PTPRO: variants seen among roughly 807,000 people sequenced by gnomAD.
PTPRO encodes the protein receptor-type tyrosine-protein phosphatase O.
A neutral mutation model predicts 145.2 loss-of-function variants in PTPRO; 62 were observed. That is an observed-to-expected ratio of 0.43 (90% CI 0.35 to 0.53). The LOEUF (loss-of-function observed/expected upper bound fraction) is 0.53, where lower values mean the gene tolerates loss of function less well. Ranked by LOEUF, PTPRO falls within the 20% of genes least tolerant of loss-of-function variation. PTPRO has a pLI of 0.01. For missense variants in PTPRO, 1,345 were observed against 1,482.7 expected (o/e 0.91, Z 1.53); for synonymous variants, 565 against 514.7 (o/e 1.10, Z -1.32).
At chr12:15,341,983 A>G (rs1867006832) in intron 1 of PTPRO, among the ~76,000 whole-genome samples, 1 of 152,230 alleles carries the variant, frequency 6.6e-6, no homozygotes, top group Admixed American at 6.5e-5. Context: ...GCACAATTTA[A>G]ATACATATTA....
At chr12:15,400,355 A>C (rs1591777041) in intron 1 of PTPRO, among the ~76,000 whole-genome samples, 1 of 151,528 alleles carries the variant, frequency 6.6e-6, no homozygotes, top group African/African-American at 2.4e-5. Flanking sequence ...GTGTGATGAA[A>C]CCCCCAGCAG....
chr12:15,582,050 A>G (rs1222184886), intron 23 of PTPRO, among the ~76,000 whole-genome samples: 6 of 152,256 alleles, frequency 3.9e-5, no homozygotes, highest in Non-Finnish European at 1.5e-5. Flanking sequence ...TAGATTAACT[A>G]AAAGTATTCC....
At chr12:15,357,320 T>G (rs1938027607) in intron 1 of PTPRO, among the ~76,000 whole-genome samples, 1 of 152,230 alleles carries the variant, frequency 6.6e-6, no homozygotes, top group African/African-American at 2.4e-5. Context: ...CTCATTCTAC[T>G]CATTCTCCCT....
intron 1 of PTPRO, among the ~76,000 whole-genome samples, chr12:15,371,388 C>T (rs768927476): frequency 9.9e-5 from 15 of 152,050 alleles, no homozygotes; most frequent in South Asian, 2.1e-4. Context: ...CCCGCCACCA[C>T]GCCAGGCTAA....
intron 1 of PTPRO, among the ~76,000 whole-genome samples, chr12:15,450,106 C>T (rs78886955): frequency 0.015 from 2,234 of 152,228 alleles, 60 homozygotes; most frequent in African/African-American, 0.051. Flanking sequence ...CTTATGGCTC[C>T]TATTATATTT....
intron 1 of PTPRO, among the ~76,000 whole-genome samples, chr12:15,423,482 ATAT>A (rs1940201727): frequency 6.6e-6 from 1 of 152,080 alleles, no homozygotes; most frequent in Non-Finnish European, 1.5e-5. Context: ...TGTTAAAACA[ATAT>A]TAGACCAGTT....
intron 3 of PTPRO, among the ~76,000 whole-genome samples, chr12:15,497,827 A>C (rs1235113624): frequency 6.6e-6 from 1 of 152,240 alleles, no homozygotes; most frequent in African/African-American, 2.4e-5. Context: ...CCTCAAATGC[A>C]ATGCTGTATG....
chr12:15,324,628 A>C (rs1866395428), intron 1 of PTPRO, among the ~76,000 whole-genome samples: 1 of 152,212 alleles, frequency 6.6e-6, no homozygotes, highest in Non-Finnish European at 1.5e-5. Context: ...TGGGACACAT[A>C]ATTTTGTAAG....
At chr12:15,358,342 C>T (rs979983544) in intron 1 of PTPRO, among the ~76,000 whole-genome samples, 3 of 151,534 alleles carry the variant, frequency 2.0e-5, no homozygotes, top group Non-Finnish European at 2.9e-5. Flanking sequence ...ATGTAACTAA[C>T]CTGCACATTG....
intron 12 of PTPRO, among the ~76,000 whole-genome samples, chr12:15,534,485 G>A (rs984248157): frequency 6.6e-6 from 1 of 152,138 alleles, no homozygotes; most frequent in African/African-American, 2.4e-5. Context: ...TTCACTTTCT[G>A]TTCACAAGGA....
At chr12:15,424,008 A>G (rs1350548663) in intron 1 of PTPRO, among the ~76,000 whole-genome samples, 4 of 152,232 alleles carry the variant, frequency 2.6e-5, no homozygotes, top group African/African-American at 4.8e-5. Context: ...AAAATATGTC[A>G]GGCTAATAGG....
intron 1 of PTPRO, among the ~76,000 whole-genome samples, chr12:15,369,923 G>C (rs1402600920): frequency 6.6e-6 from 1 of 152,002 alleles, no homozygotes; most frequent in African/African-American, 2.4e-5. Context: ...GTGGTGGCAG[G>C]CACCTGTAGT....
intron 12 of PTPRO, among the ~76,000 whole-genome samples, chr12:15,527,957 A>G (rs975798061): frequency 6.8e-6 from 1 of 148,024 alleles, no homozygotes; most frequent in South Asian, 2.2e-4. Flanking sequence ...GAGCTCTCTG[A>G]ACAAGAATTC....
At position 15,557,672 on chromosome 12, in the gene PTPRO, A is replaced by C. The variant is rs932040628; in HGVS notation, c.2627+149A>C. On this transcript the variant is annotated intron_variant, in intron 16 of 26. Coordinates refer to ENST00000281171, the MANE Select transcript of PTPRO (RefSeq NM_030667.3). ...AGACTTTCAATGGCTAGATCTTCAC[A>C]GAATATAATGGTTTATATAAGCTCA... is the stretch of plus-strand genomic sequence containing the variant. 12 of 732,970 alleles carry C rather than the reference A, an allele frequency of 1.6e-5. No homozygotes were observed. The African/African-American group carries it at 2.1e-4, about 13-fold the overall frequency. 45.4% of individuals were successfully genotyped at this position (732,970 alleles called of 1,614,324 possible).
chr12:15,589,515 G>A lies in PTPRO; in HGVS notation c.3471G>A (p.Arg1157=). 1 of 1,614,124 alleles carries A rather than the reference G, an allele frequency of 6.2e-7. No individual in the cohort carries two copies. The highest frequency in any genetic ancestry group is 8.5e-7 in the Non-Finnish European group (1 of 1,179,996). The stretch of plus-strand genomic sequence containing the variant: ...TGGACAGGCTCTTGCAGCACATTCG[G>A]GATCATGAGTTTGTTGACATCTTAG... ...IALDRLLQHI[R]DHEFVDILGL... is the part of the protein sequence containing the mutation. The change falls in exon 25 of 27, where the codon CGG becomes CGA. Residue 1157 remains arginine, a synonymous_variant. Transcript: ENST00000281171.
At chr12:15,443,050 A>G (rs1381469247) in intron 1 of PTPRO, among the ~76,000 whole-genome samples, 1 of 152,194 alleles carries the variant, frequency 6.6e-6, no homozygotes, top group Non-Finnish European at 1.5e-5. Context: ...AGCCAGAGGC[A>G]TCACATTACA....
intron 1 of PTPRO, among the ~76,000 whole-genome samples, chr12:15,411,672 G>T (rs147929486): frequency 4.6e-5 from 7 of 152,344 alleles, no homozygotes; most frequent in African/African-American, 1.7e-4. Context: ...GGACTTATTT[G>T]ATATTTAAGA....
chr12:15,362,015 A>C (rs1417252584), intron 1 of PTPRO, among the ~76,000 whole-genome samples: 2 of 152,124 alleles, frequency 1.3e-5, no homozygotes, highest in African/African-American at 4.8e-5. Flanking sequence ...CAAATCATAG[A>C]TCGGACCTAC....
At chr12:15,424,621 A>G (rs1478155552) in intron 1 of PTPRO, among the ~76,000 whole-genome samples, 1 of 152,070 alleles carries the variant, frequency 6.6e-6, no homozygotes, top group Non-Finnish European at 1.5e-5. Context: ...ACACAAACAA[A>G]TAATGGGTGC....
Sources: gnomAD v4.1 joint callset for allele counts (sites outside exome capture counted in the v4.1 genomes callset) on GRCh38, gnomAD v4.1.1 for gene constraint, MANE v1.5 for transcripts, NCBI Gene and HGNC (gene_info 2026-07-23, HGNC 2026-07-21) for gene names.